Variants in TTLL12 observed in about 807,000 individuals in gnomAD.
TTLL12 encodes tubulin tyrosine ligase like 12.
TTLL12 carries 77 observed loss-of-function variants against 79.6 expected under a neutral mutation model. That is an observed-to-expected ratio of 0.97 (90% CI 0.81 to 1.17). TTLL12 has a LOEUF of 1.17. TTLL12 is among the 50% of genes most tolerant of loss of function. The pLI is 0.00. For synonymous variants in TTLL12, 437 were observed against 376.1 expected (o/e 1.16, Z -1.87); for missense variants, 969 against 895.9 (o/e 1.08, Z -1.04).
At chr22:43,169,398 C>T in intron 12 of TTLL12, 102 bp downstream of exon 12, 1 of 1,072,522 alleles carries the variant, frequency 9.3e-7, no homozygotes. Context: ...ACAAAGGTCC[C>T]TCCCAGCCCA....
chr22:43,179,194 CTTTGTTA>C (rs936239451), intron 5 of TTLL12, among the ~76,000 whole-genome samples: 17 of 152,312 alleles, frequency 1.1e-4, no homozygotes, highest in African/African-American at 3.6e-4. Flanking sequence ...CTGAAAGCAC[CTTTGTTA>C]TCAATAACAG....
At chr22:43,172,289 G>T in intron 10 of TTLL12, 114 bp downstream of exon 10, 1 of 1,324,586 alleles carries the variant, frequency 7.5e-7, no homozygotes, top group Non-Finnish European at 1.0e-6. Context: ...GGTGAGTGAT[G>T]GAGGGTGCCT....
chr22:43,170,810 G>C (rs963880390), intron 11 of TTLL12, among the ~76,000 whole-genome samples: 1 of 152,148 alleles, frequency 6.6e-6, no homozygotes, highest in African/African-American at 2.4e-5. Context: ...CTACTTTAGG[G>C]GGCTGAGGCA....
chr22:43,186,939 AC>A lies in TTLL12; in HGVS notation c.130del (p.Val44SerfsTer32). 25 of 1,358,006 alleles carry A rather than the reference AC, an allele frequency of 1.8e-5. No homozygotes were observed. The highest frequency in any genetic ancestry group is 3.2e-5 in the Admixed American group (1 of 31,116). 84.1% of individuals were successfully genotyped at this position (1,358,006 alleles called of 1,614,324 possible). On this transcript the variant is annotated frameshift_variant, in exon 1 of 14. Coordinates refer to ENST00000216129, the MANE Select transcript of TTLL12 (RefSeq NM_015140.4). LOFTEE classifies it high-confidence loss of function. ...GAGGCGGCCCCAGTAACGTTCGGGG[AC>A]CCCCGAAGCGCGCAGCGCCGGGCCG... ...LHGPALRASG[V>X]PERYWGRLLH...
At chr22:43,185,097 G>A (rs940442982) in intron 1 of TTLL12, among the ~76,000 whole-genome samples, 3 of 151,462 alleles carry the variant, frequency 2.0e-5, no homozygotes, top group Non-Finnish European at 2.9e-5. Flanking sequence ...GTGTGGTGGC[G>A]CACGTCTGTA....
intron 1 of TTLL12, among the ~76,000 whole-genome samples, chr22:43,184,155 G>A (rs1932125005): frequency 1.3e-5 from 2 of 152,356 alleles, no homozygotes; most frequent in African/African-American, 2.4e-5. Flanking sequence ...ATCAAACAGC[G>A]TGCATAAAGT....
intron 1 of TTLL12, 148 bp downstream of exon 1, chr22:43,186,745 C>T (rs1309305059): frequency 2.4e-6 from 2 of 822,688 alleles, no homozygotes; most frequent in Non-Finnish European, 1.6e-6. Flanking sequence ...GCCCCCAACT[C>T]CACGCCGCTC....
In TTLL12 at chr22:43,167,231, TCA is replaced by T. The variant is rs370248444; in HGVS notation, c.*775_*776del. On this transcript the variant is annotated 3_prime_UTR_variant, in exon 14 of 14. Transcript: ENST00000216129. ...CCTTGCCGAAGGATCCTGGCCCATC[TCA>T]CACAAGGGCGGGACCCCGTGGAGTG... is the stretch of plus-strand genomic sequence containing the variant. 33 of 530,160 alleles carry T rather than the reference TCA, an allele frequency of 6.2e-5. No individual in the cohort carries two copies. The highest frequency in any genetic ancestry group is 6.1e-4 in the African/African-American group (32 of 52,094). 32.8% of individuals were successfully genotyped at this position (530,160 alleles called of 1,614,324 possible). A position where few individuals can be genotyped will look rare whatever the true frequency, so the allele number is the denominator to read the frequency against.
intron 2 of TTLL12, among the ~76,000 whole-genome samples, chr22:43,181,387 G>C (rs1031278891): frequency 2.6e-5 from 4 of 152,090 alleles, no homozygotes; most frequent in African/African-American, 9.7e-5. Flanking sequence ...CACCACAGCT[G>C]CTCAACAAAA....
At position 43,174,458 on chromosome 22, in the gene TTLL12, G is replaced by A. The variant is rs773202172; in HGVS notation, c.1034+41C>T. The A allele has an allele frequency of 2.5e-5, 40 of 1,577,560 alleles. No homozygotes were observed. The African/African-American group carries it at 3.0e-4, about 12-fold the overall frequency. On this transcript the variant is annotated intron_variant, in intron 7 of 13. Transcript: ENST00000216129. ...AAGGGGAGGCCGGCAGTGCCTAGAAGCCCTGACTGGGAGGGCCCCTGCGGC... is the reference window on the plus strand; with the variant it reads ...AAGGGGAGGCCGGCAGTGCCTAGAAACCCTGACTGGGAGGGCCCCTGCGGC...
At chr22:43,176,789 G>A (rs184840158) in intron 5 of TTLL12, among the ~76,000 whole-genome samples, 1 of 150,024 alleles carries the variant, frequency 6.7e-6, no homozygotes, top group East Asian at 2.0e-4. Context: ...TCACCACCTG[G>A]CATCAGGTTC....
intron 2 of TTLL12, among the ~76,000 whole-genome samples, chr22:43,181,434 A>C (rs1201694770): frequency 6.6e-6 from 1 of 152,200 alleles, no homozygotes; most frequent in South Asian, 2.1e-4. Context: ...ACGCACACAG[A>C]CGGCACAAGG....
intron 11 of TTLL12, chr22:43,171,572 G>A (rs1931765772): frequency 2.2e-6 from 1 of 462,458 alleles, no homozygotes; most frequent in South Asian, 2.8e-5. Flanking sequence ...ATCCCCCTCT[G>A]TGTCCACATT....
chr22:43,180,666 G>T, intron 3 of TTLL12, 76 bp downstream of exon 3: 1 of 1,521,504 alleles, frequency 6.6e-7, no homozygotes, highest in Non-Finnish European at 9.0e-7. Flanking sequence ...CCCTCACCCG[G>T]CCTGATGGCA....
intron 5 of TTLL12, among the ~76,000 whole-genome samples, chr22:43,179,002 C>A (rs530986666): frequency 6.6e-6 from 1 of 152,218 alleles, no homozygotes; most frequent in East Asian, 1.9e-4. Context: ...TCCTACCCAG[C>A]CCTGACTGGT....
Position 43,187,131 on chromosome 22 carries a change from C to T in TTLL12, c.-62G>A. 9.8e-7 allele frequency: 1 copy of T among 1,015,696 alleles called. No individual in the cohort carries two copies. Among genetic ancestry groups the T allele is most frequent in the Non-Finnish European group, 1.2e-6 (1 of 853,480 alleles). The allele number at this position is 1,015,696 out of a possible 1,614,324, so 62.9% of individuals were successfully genotyped here. Reference sequence around the variant, plus strand: ...GCCGCCGCCGCCCGCCGTCCGTCGGCCCTGCCCTCCCGCCTCCGCCCCCTG... The same window carrying T: ...GCCGCCGCCGCCCGCCGTCCGTCGGTCCTGCCCTCCCGCCTCCGCCCCCTG... On this transcript the variant is annotated 5_prime_UTR_variant, in exon 1 of 14. Coordinates refer to ENST00000216129, the MANE Select transcript of TTLL12 (RefSeq NM_015140.4).
At position 43,166,845 on chromosome 22, in the gene TTLL12, G is replaced by A. The variant is rs1323637811; in HGVS notation, c.*1163C>T. The A allele has an allele frequency of 4.3e-5, 8 of 187,190 alleles. No individual in the cohort carries two copies. Among genetic ancestry groups the A allele is most frequent in the Non-Finnish European group, 7.9e-5 (7 of 88,746 alleles). 11.6% of individuals were successfully genotyped at this position (187,190 alleles called of 1,614,324 possible). A position where few individuals can be genotyped will look rare whatever the true frequency, so the allele number is the denominator to read the frequency against. On this transcript the variant is annotated 3_prime_UTR_variant, in exon 14 of 14. Transcript: ENST00000216129. Reference sequence around the variant, plus strand: ...TCAGGTGCAGCTTTGCTACAAGAAAGATAGTTCTTAATTTCAAAGAGGAGA... The same window carrying A: ...TCAGGTGCAGCTTTGCTACAAGAAAAATAGTTCTTAATTTCAAAGAGGAGA...
chr22:43,186,092 G>A, intron 1 of TTLL12: 2 of 849,812 alleles, frequency 2.4e-6, no homozygotes. Flanking sequence ...CCCTGTTCTT[G>A]GCTCTGGGGT....
Position 43,167,271 on chromosome 22 carries a change from G to A in TTLL12, c.*737C>T. ...ACCCCGTGGAGTGCCCGGCGAGCAGGGCAACCACTGGGAAGACAGATACTG... is the reference window on the plus strand; with the variant it reads ...ACCCCGTGGAGTGCCCGGCGAGCAGAGCAACCACTGGGAAGACAGATACTG... On this transcript the variant is annotated 3_prime_UTR_variant, in exon 14 of 14. Transcript: ENST00000216129. 4.0e-6 allele frequency: 2 copies of A among 503,778 alleles called. No homozygotes were observed. Among genetic ancestry groups the A allele is most frequent in the Non-Finnish European group, 8.1e-6 (2 of 247,838 alleles). 31.2% of individuals were successfully genotyped at this position (503,778 alleles called of 1,614,324 possible). A position where few individuals can be genotyped will look rare whatever the true frequency, so the allele number is the denominator to read the frequency against.
Sources: gnomAD v4.1 joint callset for allele counts (sites outside exome capture counted in the v4.1 genomes callset) on GRCh38, gnomAD v4.1.1 for gene constraint, MANE v1.5 for transcripts, NCBI Gene and HGNC (gene_info 2026-07-23, HGNC 2026-07-21) for gene names.